TNS3: variants seen among roughly 807,000 people sequenced by gnomAD.
The protein encoded by TNS3 is tensin-3.
In TNS3, 45 loss-of-function variants were observed where a neutral mutation model predicts 140.9. The observed-to-expected ratio is 0.32, with a 90% CI of 0.25 to 0.41. The LOEUF (loss-of-function observed/expected upper bound fraction) is 0.41, where lower values mean the gene tolerates loss of function less well. TNS3 is among the 10% of genes least tolerant of loss of function. The pLI, the probability that TNS3 is intolerant of heterozygous loss-of-function variation, is 1.00. For synonymous variants in TNS3, 815 were observed against 788.4 expected (o/e 1.03, Z -0.56); for missense variants, 1,716 against 1,906.7 (o/e 0.90, Z 1.86).
intron 16 of TNS3, among the ~76,000 whole-genome samples, chr7:47,383,936 G>A (rs557831223): frequency 6.5e-4 from 99 of 152,258 alleles, no homozygotes; most frequent in Non-Finnish European, 1.1e-3. Flanking sequence ...AAAGTGACAC[G>A]CAGGGCCTCC....
intron 16 of TNS3, among the ~76,000 whole-genome samples, chr7:47,370,653 C>T (rs539880091): frequency 8.0e-4 from 122 of 152,356 alleles, no homozygotes; most frequent in Non-Finnish European, 1.5e-3. Context: ...CTAAAATAAG[C>T]GGGAGTTTGT....
At chr7:47,496,504 T>C (rs1184951126) in intron 3 of TNS3, among the ~76,000 whole-genome samples, 1 of 152,058 alleles carries the variant, frequency 6.6e-6, no homozygotes, top group Non-Finnish European at 1.5e-5. Context: ...ACCAGGGGAA[T>C]CAGCAGAGGC....
chr7:47,371,827 T>C (rs550823623), intron 16 of TNS3, among the ~76,000 whole-genome samples: 1 of 152,284 alleles, frequency 6.6e-6, no homozygotes, highest in Admixed American at 6.5e-5. Flanking sequence ...TGGACACTGG[T>C]TCAAATCCCA....
chr7:47,395,395 T>C (rs1045130889), intron 16 of TNS3, among the ~76,000 whole-genome samples: 1 of 152,202 alleles, frequency 6.6e-6, no homozygotes, highest in Non-Finnish European at 1.5e-5. Context: ...AGCCACCGCT[T>C]CACCCTTCTC....
chr7:47,474,146 A>ACACAC (rs397700416), intron 4 of TNS3, among the ~76,000 whole-genome samples: 2 of 129,046 alleles, frequency 1.5e-5, no homozygotes, highest in Non-Finnish European at 3.4e-5. Flanking sequence ...ACACACACAC[A>ACACAC]ACACACATAA....
chr7:47,459,421 A>G (rs900691803), intron 4 of TNS3, among the ~76,000 whole-genome samples: 29 of 152,224 alleles, frequency 1.9e-4, no homozygotes, highest in African/African-American at 6.5e-4. Context: ...TGTCAAAGGT[A>G]AAGAGACTTG....
chr7:47,318,162 T>C (rs939237412), intron 20 of TNS3, among the ~76,000 whole-genome samples: 2 of 152,210 alleles, frequency 1.3e-5, no homozygotes, highest in African/African-American at 4.8e-5. Context: ...AGGGACCTCA[T>C]GTAAGTGGAA....
intron 4 of TNS3, among the ~76,000 whole-genome samples, chr7:47,471,228 C>T (rs925712474): frequency 3.9e-5 from 6 of 152,178 alleles, no homozygotes; most frequent in Admixed American, 1.3e-4. Flanking sequence ...GCCACAACCA[C>T]AGGCATCAGT....
In TNS3 at chr7:47,278,203, G is replaced by T; in HGVS notation, c.4211C>A (p.Ala1404Asp). The T allele has an allele frequency of 6.2e-7, 1 of 1,613,934 alleles. No homozygotes were observed. Among genetic ancestry groups the T allele is most frequent in the South Asian group, 1.1e-5 (1 of 91,010 alleles). ...ATCCGTGGCACTGCCCTGCTTCCGG[G>T]CCACAAATCCAAAGACTCTGCCAAA... is the stretch of plus-strand genomic sequence containing the variant. ...GPSSKVFGFV[A>D]RKQGSATDNV... Residue 1404 changes from alanine (A) to aspartate (D), a missense_variant, in exon 31 of 31, where the codon GCC (alanine) becomes GAC (aspartate). Physicochemically the swap from Ala to Asp is moderately radical, Grantham distance 126. This residue lies in a region of TNS3 where 216 missense variants were observed against 295.7 expected (regional missense o/e 0.73). Coordinates refer to ENST00000311160, the MANE Select transcript of TNS3 (RefSeq NM_022748.12).
intron 17 of TNS3, among the ~76,000 whole-genome samples, chr7:47,360,761 C>A (rs1790267154): frequency 6.6e-6 from 1 of 152,216 alleles, no homozygotes; most frequent in Admixed American, 6.5e-5. Context: ...ACTCCTCCAT[C>A]CTCCACCTCA....
chr7:47,363,266 A>G (rs1382543506), intron 17 of TNS3, among the ~76,000 whole-genome samples: 2 of 148,226 alleles, frequency 1.3e-5, no homozygotes, highest in African/African-American at 5.0e-5. Flanking sequence ...ACCACCATCA[A>G]TATCATCACA....
At chr7:47,334,689 C>T (rs915553604) in intron 20 of TNS3, among the ~76,000 whole-genome samples, 6 of 148,838 alleles carry the variant, frequency 4.0e-5, no homozygotes, top group South Asian at 2.1e-4. Context: ...ATGCAACCTC[C>T]GCCTCCTGGG....
chr7:47,353,807 AC>A (rs1789820497), intron 17 of TNS3, among the ~76,000 whole-genome samples: 1 of 151,988 alleles, frequency 6.6e-6, no homozygotes. Context: ...AAGGGGCCTC[AC>A]CCTACAACCA....
chr7:47,482,098 G>A (rs1381898488), intron 3 of TNS3, among the ~76,000 whole-genome samples: 1 of 152,230 alleles, frequency 6.6e-6, no homozygotes, highest in African/African-American at 2.4e-5. Context: ...CCTGGTGAGT[G>A]ACCTCACTCC....
At chr7:47,513,344 T>C (rs1439933753) in intron 2 of TNS3, among the ~76,000 whole-genome samples, 2 of 152,056 alleles carry the variant, frequency 1.3e-5, no homozygotes, top group Non-Finnish European at 2.9e-5. Context: ...AATTTTTAAA[T>C]TTTTTGTAGA....
intron 3 of TNS3, 54 bp from the exon 4 acceptor site, chr7:47,481,195 G>C: frequency 7.9e-7 from 1 of 1,261,982 alleles, no homozygotes; most frequent in Non-Finnish European, 1.0e-6. Context: ...GAAAAAATTA[G>C]CATAATAATC....
In TNS3 at chr7:47,369,275, C is replaced by G. The variant is rs746973200; in HGVS notation, c.1371G>C (p.Val457=). 3 of 1,614,094 alleles carry G rather than the reference C, an allele frequency of 1.9e-6. No homozygotes were observed. In the East Asian group the frequency reaches 6.7e-5, roughly 36 times the overall value. ...ARSKYSGTRH[V]VPAQVHVNGD... The stretch of plus-strand genomic sequence containing the variant: ...CATTCACGTGAACCTGGGCTGGCAC[C>G]ACGTGGCGGGTCCCACTGTACTTGC... The change falls in exon 17 of 31, where the codon GTG becomes GTC. Residue 457 remains valine (V), a synonymous_variant. Coordinates refer to ENST00000311160, the MANE Select transcript of TNS3 (RefSeq NM_022748.12).
chr7:47,514,079 A>G (rs939316352), intron 2 of TNS3, among the ~76,000 whole-genome samples: 2 of 152,250 alleles, frequency 1.3e-5, no homozygotes, highest in Non-Finnish European at 2.9e-5. Flanking sequence ...CATATTGACC[A>G]AGTTATAAAC....
At chr7:47,285,416 G>C (rs145026285) in intron 27 of TNS3, among the ~76,000 whole-genome samples, 1 of 152,112 alleles carries the variant, frequency 6.6e-6, no homozygotes, top group Non-Finnish European at 1.5e-5. Context: ...TGCTGTTCTC[G>C]TAATAGTGAG....
Sources: allele counts gnomAD v4.1 joint callset (sites outside exome capture counted in the v4.1 genomes callset), GRCh38; gene constraint gnomAD v4.1.1; regional missense constraint gnomAD v4.1.1; transcripts MANE v1.5; gene names NCBI Gene and HGNC (gene_info 2026-07-23, HGNC 2026-07-21).